Variants in NEK10 observed in about 807,000 individuals in gnomAD.
NEK10 encodes NIMA related kinase 10, also known as serine/threonine-protein kinase Nek10.
A neutral mutation model predicts 159.8 loss-of-function variants in NEK10; 122 were observed. That is an observed-to-expected ratio of 0.76 (90% CI 0.66 to 0.89). The LOEUF is 0.89. Ranked by LOEUF, NEK10 falls within the 40% of genes least tolerant of loss-of-function variation. The pLI is 0.00. For missense variants in NEK10, 1,342 were observed against 1,323.1 expected (o/e 1.01, Z -0.22); for synonymous variants, 466 against 457.1 (o/e 1.02, Z -0.25).
chr3:27,176,883 T>C (rs1559556460), intron 26 of NEK10, among the ~76,000 whole-genome samples: 2 of 152,360 alleles, frequency 1.3e-5, no homozygotes, highest in East Asian at 1.9e-4. Context: ...GCAATTAAGA[T>C]GCTGGAATTC....
At chr3:27,228,755 A>G (rs1166707663) in intron 23 of NEK10, among the ~76,000 whole-genome samples, 1 of 152,154 alleles carries the variant, frequency 6.6e-6, no homozygotes, top group Non-Finnish European at 1.5e-5. Context: ...CCTACTTGGA[A>G]CATCAACGTT....
intron 30 of NEK10, among the ~76,000 whole-genome samples, chr3:27,142,478 G>A (rs1440905731): frequency 1.4e-5 from 2 of 147,978 alleles, no homozygotes; most frequent in East Asian, 3.9e-4. Context: ...TGTGCTTTCC[G>A]CAATAAAACT....
intron 10 of NEK10, among the ~76,000 whole-genome samples, chr3:27,308,617 G>T (rs1410668128): frequency 3.9e-5 from 6 of 152,108 alleles, no homozygotes; most frequent in Non-Finnish European, 8.8e-5. Flanking sequence ...AATTAAGATG[G>T]TCAGAAAGAT....
chr3:27,261,538 T>C (rs965121575), intron 22 of NEK10, among the ~76,000 whole-genome samples: 2 of 152,158 alleles, frequency 1.3e-5, no homozygotes, highest in African/African-American at 4.8e-5. Flanking sequence ...AGGTTTTGAG[T>C]GAGATTCTTA....
intron 32 of NEK10, among the ~76,000 whole-genome samples, chr3:27,128,506 A>G (rs1942231644): frequency 6.6e-6 from 1 of 152,088 alleles, no homozygotes; most frequent in African/African-American, 2.4e-5. Context: ...TTTCCTCTCA[A>G]TGATTTTGTT....
At chr3:27,143,488 CAA>C in intron 30 of NEK10, 1 of 758,602 alleles carries the variant, frequency 1.3e-6, no homozygotes, top group Non-Finnish European at 2.4e-6. Context: ...AATACAAAAA[CAA>C]AGAGTTAGCT....
intron 23 of NEK10, among the ~76,000 whole-genome samples, chr3:27,255,719 G>A (rs1240960810): frequency 6.6e-6 from 1 of 152,054 alleles, no homozygotes; most frequent in Non-Finnish European, 1.5e-5. Flanking sequence ...TAAGTGTCTC[G>A]ATTTATCAAA....
intron 26 of NEK10, among the ~76,000 whole-genome samples, chr3:27,175,763 C>T (rs1366749765): frequency 6.6e-6 from 1 of 151,974 alleles, no homozygotes; most frequent in East Asian, 1.9e-4. Flanking sequence ...GACAAAAAGA[C>T]AAAGAAAGGC....
intron 5 of NEK10, among the ~76,000 whole-genome samples, chr3:27,341,454 AC>A (rs536413211): frequency 6.6e-6 from 1 of 152,278 alleles, no homozygotes; most frequent in South Asian, 2.1e-4. Flanking sequence ...TACCACATGT[AC>A]CCCATAAATA....
chr3:27,190,471 C>T (rs1309747911), intron 26 of NEK10, among the ~76,000 whole-genome samples: 2 of 152,054 alleles, frequency 1.3e-5, no homozygotes, highest in African/African-American at 2.4e-5. Context: ...CATTTATAAA[C>T]GTTTGAAGTT....
At chr3:27,332,903 A>G (rs1221420214) in intron 5 of NEK10, among the ~76,000 whole-genome samples, 5 of 152,190 alleles carry the variant, frequency 3.3e-5, no homozygotes, top group Admixed American at 3.3e-4. Context: ...AGATTGGAAG[A>G]CCACAATTTG....
chr3:27,110,052 A>T lies in NEK10; in HGVS notation c.*1220T>A, dbSNP rs1939364012. The T allele has an allele frequency of 6.6e-6, 1 of 152,200 alleles. No homozygotes were observed. The highest frequency in any genetic ancestry group is 2.4e-5 in the African/African-American group (1 of 41,466). 9.4% of individuals were successfully genotyped at this position (152,200 alleles called of 1,614,324 possible). ...AAATCGATTCAATCATACTAAAAAA[A>T]TTCAGTGTAAATAAAGATGACAGAA... On this transcript the variant is annotated 3_prime_UTR_variant, in exon 36 of 36. Transcript: ENST00000691995.
At chr3:27,232,160 A>G (rs1412620827) in intron 23 of NEK10, among the ~76,000 whole-genome samples, 4 of 151,864 alleles carry the variant, frequency 2.6e-5, no homozygotes, top group Non-Finnish European at 5.9e-5. Flanking sequence ...TATACGCAGA[A>G]AACCTAAAAA....
intron 5 of NEK10, among the ~76,000 whole-genome samples, chr3:27,327,602 G>A (rs1191332105): frequency 6.6e-6 from 1 of 152,176 alleles, no homozygotes; most frequent in Non-Finnish European, 1.5e-5. Context: ...AAACAAATAT[G>A]TGATGTGAGG....
intron 23 of NEK10, among the ~76,000 whole-genome samples, chr3:27,203,226 T>C (rs1950199897): frequency 6.6e-6 from 1 of 152,120 alleles, no homozygotes; most frequent in Non-Finnish European, 1.5e-5. Context: ...GACTCTGAAG[T>C]TGAATGCCAC....
At chr3:27,260,230 G>A (rs560490424) in intron 22 of NEK10, among the ~76,000 whole-genome samples, 78 of 152,188 alleles carry the variant, frequency 5.1e-4, no homozygotes, top group Non-Finnish European at 8.7e-4. Flanking sequence ...CTGCCTGATT[G>A]CCCTGGCCAG....
At chr3:27,348,225 A>T (rs1223748075) in intron 3 of NEK10, among the ~76,000 whole-genome samples, 1 of 152,168 alleles carries the variant, frequency 6.6e-6, no homozygotes, top group Non-Finnish European at 1.5e-5. Context: ...AAGAGATTCT[A>T]AACCCCCTTA....
At chr3:27,311,139 G>T in intron 8 of NEK10, 123 bp from the exon 9 acceptor site, 1 of 561,770 alleles carries the variant, frequency 1.8e-6, no homozygotes, top group Non-Finnish European at 3.2e-6. Flanking sequence ...CAGCACAAAA[G>T]GAACAACAGA....
chr3:27,234,821 A>G (rs1408031855), intron 23 of NEK10, among the ~76,000 whole-genome samples: 1 of 152,150 alleles, frequency 6.6e-6, no homozygotes, highest in East Asian at 1.9e-4. Context: ...ATCCTAAGCA[A>G]AAAGAACAAA....
Sources: gnomAD v4.1 joint callset for allele counts (sites outside exome capture counted in the v4.1 genomes callset) on GRCh38, gnomAD v4.1.1 for gene constraint, MANE v1.5 for transcripts, NCBI Gene and HGNC (gene_info 2026-07-23, HGNC 2026-07-21) for gene names.